CAPN9: variants seen among roughly 807,000 people sequenced by gnomAD.
CAPN9 encodes calpain 9.
In CAPN9, 81 loss-of-function variants were observed where a neutral mutation model predicts 92.8. The ratio of observed to expected loss-of-function variants is 0.87; its 90% confidence interval spans 0.73 to 1.05. The LOEUF (loss-of-function observed/expected upper bound fraction) is 1.05, where lower values mean the gene tolerates loss of function less well. Ranked by LOEUF, CAPN9 falls within the 50% of genes least tolerant of loss-of-function variation. The pLI is 0.00. For synonymous variants in CAPN9, 304 were observed against 328.0 expected, an observed-to-expected ratio of 0.93 and a Z score of 0.79; for missense variants, 848 against 866.2, an observed-to-expected ratio of 0.98 and a Z score of 0.26.
chr1:230,754,942 C>T (rs372019568), intron 1 of CAPN9, among the ~76,000 whole-genome samples: 9 of 152,174 alleles, frequency 5.9e-5, no homozygotes, highest in Non-Finnish European at 2.9e-5. Flanking sequence ...CATTACTCAG[C>T]TCCTTGAAGC....
intron 19 of CAPN9, among the ~76,000 whole-genome samples, chr1:230,800,228 A>AAAG (rs577192224): frequency 3.6e-5 from 2 of 55,016 alleles, no homozygotes; most frequent in Admixed American, 1.8e-4. Flanking sequence ...AATAAGAAAG[A>AAAG]AAGAAGAAAG....
chr1:230,763,236 C>A (rs1359269102), intron 4 of CAPN9, among the ~76,000 whole-genome samples: 3 of 152,106 alleles, frequency 2.0e-5, no homozygotes, highest in Non-Finnish European at 2.9e-5. Context: ...GATAAATAAT[C>A]GTATATGATA....
At chr1:230,760,575 G>A (rs529237852) in intron 3 of CAPN9, among the ~76,000 whole-genome samples, 2 of 152,336 alleles carry the variant, frequency 1.3e-5, no homozygotes, top group South Asian at 4.1e-4. Flanking sequence ...AGAGTGAGCA[G>A]GTCACATGTA....
In CAPN9 at chr1:230,785,992, G is replaced by A. The variant is rs761233393; in HGVS notation, c.1493G>A (p.Gly498Glu). ...EKKAITRDMD[G>E]NVDIDLPEPP... ...TTCTGCCCCTACAGGGATATGGATG[G>A]AAATGTAGACATTGACCTTCCTGAG... Residue 498 changes from glycine to glutamate, a missense_variant, in exon 12 of 20, where the codon GGA (glycine) becomes GAA (glutamate). By Grantham distance (98) the Gly-to-Glu change is moderately conservative. Transcript: ENST00000271971. 17 of 1,613,914 alleles carry A rather than the reference G, an allele frequency of 1.1e-5. No homozygotes were observed. Among genetic ancestry groups the A allele is most frequent in the African/African-American group, 1.3e-5 (1 of 74,930 alleles).
At chr1:230,773,551 G>A (rs939239588) in intron 7 of CAPN9, among the ~76,000 whole-genome samples, 1 of 152,168 alleles carries the variant, frequency 6.6e-6, no homozygotes, top group African/African-American at 2.4e-5. Flanking sequence ...AGCCTCCATG[G>A]GTGATGGGAG....
At chr1:230,787,912 G>T (rs546038261) in intron 13 of CAPN9, among the ~76,000 whole-genome samples, 2 of 152,198 alleles carry the variant, frequency 1.3e-5, no homozygotes, top group East Asian at 3.9e-4. Context: ...CTGGAGTGCA[G>T]TGGTATAAGC....
At chr1:230,797,757 C>A (rs1398066720) in intron 18 of CAPN9, among the ~76,000 whole-genome samples, 1 of 152,194 alleles carries the variant, frequency 6.6e-6, no homozygotes, top group African/African-American at 2.4e-5. Context: ...TCTGACAGCA[C>A]CCACGGCACC....
chr1:230,783,623 C>A (rs555298829), intron 11 of CAPN9, among the ~76,000 whole-genome samples: 238 of 152,316 alleles, frequency 1.6e-3, no homozygotes, highest in Middle Eastern at 0.014. Context: ...GGGAATACAC[C>A]ATGCTTCTTT....
At position 230,801,860 on chromosome 1, in the gene CAPN9, T is replaced by C. The variant is rs1204275061; in HGVS notation, c.*264T>C. ...ACATCCAGGTTCAGGCATCACTAGC[T>C]TTCCCACACTCTACTTTCCTTATTT... On this transcript the variant is annotated 3_prime_UTR_variant, in exon 20 of 20. Transcript: ENST00000271971. 1.9e-6 allele frequency: 1 copy of C among 528,344 alleles called. No individual in the cohort carries two copies. Among genetic ancestry groups the C allele is most frequent in the Non-Finnish European group, 3.4e-6 (1 of 296,544 alleles). The allele number at this position is 528,344 out of a possible 1,614,324, so 32.7% of individuals were successfully genotyped here. A position where few individuals can be genotyped will look rare whatever the true frequency, so the allele number is the denominator to read the frequency against.
At position 230,773,159 on chromosome 1, in the gene CAPN9, C is replaced by G. The variant is rs28359659; in HGVS notation, c.875+1060C>G. On this transcript the variant is annotated intron_variant, in intron 7 of 19. Transcript: ENST00000271971. ...CGCTGCTGTATTAGCCAGACCCCAG[C>G]GTGAGGGCAGGGCACACAGGCCTGT... Among the ~76,000 whole-genome samples the G allele has an allele frequency of 1.4e-3, 210 of 152,268 alleles. 2 individuals are homozygous for G. Among genetic ancestry groups the G allele is most frequent in the African/African-American group, 4.8e-3 (198 of 41,558 alleles).
At chr1:230,792,361 T>C (rs555156635) in intron 15 of CAPN9, 65 bp from the exon 16 acceptor site, 1 of 1,391,174 alleles carries the variant, frequency 7.2e-7, no homozygotes, top group South Asian at 1.2e-5. Flanking sequence ...GTCCCAGAGC[T>C]GAGGTCCCAC....
intron 19 of CAPN9, among the ~76,000 whole-genome samples, chr1:230,799,937 G>A (rs1668569669): frequency 1.3e-5 from 2 of 151,894 alleles, no homozygotes; most frequent in South Asian, 4.2e-4. Flanking sequence ...CCAGCACTCT[G>A]GGAGGCTGAG....
intron 17 of CAPN9, among the ~76,000 whole-genome samples, chr1:230,793,191 C>T (rs1213653613): frequency 6.6e-6 from 1 of 152,208 alleles, no homozygotes; most frequent in African/African-American, 2.4e-5. Context: ...ATGAACTTGG[C>T]CTGCCCTCTG....
chr1:230,755,421 A>T lies in CAPN9; in HGVS notation c.283+15A>T, dbSNP rs1243494975. 9 of 1,593,050 alleles carry T rather than the reference A, an allele frequency of 5.6e-6. No individual in the cohort carries two copies. The highest frequency in any genetic ancestry group is 7.7e-6 in the Non-Finnish European group (9 of 1,168,830). On this transcript the variant is annotated intron_variant, in intron 2 of 19. Transcript: ENST00000271971. ...GGGAGAGCTGGGTGAGTGTAAGTGG[A>T]TGGAGCATGGCGAGAGGGAGGTTGA...
At chr1:230,776,626 A>C (rs910222564) in intron 8 of CAPN9, 1 of 152,018 alleles carries the variant, frequency 6.6e-6, no homozygotes, top group African/African-American at 2.4e-5. Flanking sequence ...TTTTTTCCTC[A>C]CTCATTATGA....
chr1:230,795,888 C>T (rs186490655), intron 18 of CAPN9, among the ~76,000 whole-genome samples: 63 of 152,190 alleles, frequency 4.1e-4, no homozygotes, highest in Non-Finnish European at 6.3e-4. Context: ...AAGGGTGCCT[C>T]GTGCTTGGTT....
intron 14 of CAPN9, among the ~76,000 whole-genome samples, chr1:230,790,602 A>ACTTT (rs57766444): frequency 0.3 from 45,373 of 151,956 alleles, 7,408 homozygotes; most frequent in African/African-American, 0.45. Context: ...CCACTCATCT[A>ACTTT]CTTTCTCTAT....
At chr1:230,747,917 T>A (rs1664531074) in intron 1 of CAPN9, among the ~76,000 whole-genome samples, 3 of 152,140 alleles carry the variant, frequency 2.0e-5, no homozygotes, top group South Asian at 2.1e-4. Flanking sequence ...ACCCGGGGCA[T>A]CTGGTTGTAC....
chr1:230,752,352 C>T (rs1028564512), intron 1 of CAPN9, among the ~76,000 whole-genome samples: 5 of 152,354 alleles, frequency 3.3e-5, no homozygotes, highest in African/African-American at 9.6e-5. Context: ...ACAGAGGAGT[C>T]GGTCACACAT....
Sources: allele counts gnomAD v4.1 joint callset (sites outside exome capture counted in the v4.1 genomes callset), GRCh38; gene constraint gnomAD v4.1.1; transcripts MANE v1.5; gene names NCBI Gene and HGNC (gene_info 2026-07-23, HGNC 2026-07-21).